Variants in C21orf91 observed in about 807,000 individuals in gnomAD.
C21orf91 encodes the protein protein EURL homolog.
A neutral mutation model predicts 32.9 loss-of-function variants in C21orf91; 26 were observed. That is an observed-to-expected ratio of 0.79 (90% CI 0.58 to 1.10). C21orf91 has a LOEUF of 1.10. C21orf91 is among the 50% of genes least tolerant of loss of function. C21orf91 has a pLI of 0.00. For synonymous variants in C21orf91, 126 were observed against 120.4 expected, an observed-to-expected ratio of 1.05 and a Z score of -0.31; for missense variants, 310 against 341.3, an observed-to-expected ratio of 0.91 and a Z score of 0.72.
rs377127315 is a variant in C21orf91, at chr21:17,809,656, A to G, written c.127+8536T>C. Among the ~76,000 whole-genome samples the G allele has an allele frequency of 1.8e-4, 28 of 152,276 alleles. No homozygotes were observed. The East Asian group carries it at 5.0e-3, about 27-fold the overall frequency. On this transcript the variant is annotated intron_variant, in intron 2 of 4. Transcript: ENST00000284881. Reference sequence around the variant, plus strand: ...GCAAATAATCCTTTATTACATTCCAATATGCTATATAATTTATTTATTCTA... The same window carrying G: ...GCAAATAATCCTTTATTACATTCCAGTATGCTATATAATTTATTTATTCTA...
At chr21:17,804,136 G>T (rs17757118) in intron 2 of C21orf91, among the ~76,000 whole-genome samples, 1 of 152,140 alleles carries the variant, frequency 6.6e-6, no homozygotes, top group South Asian at 2.1e-4. Flanking sequence ...TGCTCAATTC[G>T]ACTAGACTAC....
At chr21:17,799,246 A>G (rs988829852) in intron 2 of C21orf91, among the ~76,000 whole-genome samples, 4 of 152,168 alleles carry the variant, frequency 2.6e-5, no homozygotes, top group Admixed American at 6.5e-5. Flanking sequence ...AATATAATAG[A>G]TATCTATTTG....
intron 2 of C21orf91, among the ~76,000 whole-genome samples, chr21:17,804,831 G>A (rs2062584706): frequency 6.6e-6 from 1 of 152,220 alleles, no homozygotes; most frequent in Non-Finnish European, 1.5e-5. Context: ...GGAGGCCAGA[G>A]CAGAACTGAG....
Position 17,789,882 on chromosome 21 carries a change from CCA to C in C21orf91, c.*3531_*3532del, listed in dbSNP as rs2062459508. On this transcript the variant is annotated 3_prime_UTR_variant, in exon 5 of 5. Transcript: ENST00000284881. ...GGGTTTTATCTCTTACTAATTCTCA[CCA>C]CAAATTTCCTCAAATAGTTACTCCC... 6.6e-6 allele frequency: 1 copy of C among 152,070 alleles called. No individual in the cohort carries two copies. The highest frequency in any genetic ancestry group is 1.5e-5 in the Non-Finnish European group (1 of 67,944). The allele number at this position is 152,070 out of a possible 1,614,324, so 9.4% of individuals were successfully genotyped here.
chr21:17,795,520 G>C lies in C21orf91; in HGVS notation c.665-250C>G, dbSNP rs112323701. Among the ~76,000 whole-genome samples the C allele has an allele frequency of 5.9e-3, 906 of 152,276 alleles. 9 individuals carry two copies. In the Middle Eastern group the frequency reaches 0.071, roughly 12 times the overall value. The stretch of plus-strand genomic sequence containing the variant: ...GACAGGGTCTCACTTTGTCACCCAG[G>C]TGGCAGTGCAGTGGTGCGATCAATG... On this transcript the variant is annotated intron_variant, in intron 3 of 4. Coordinates refer to ENST00000284881, the MANE Select transcript of C21orf91 (RefSeq NM_001100420.2).
rs796521248 is a variant in C21orf91 at position 17,800,543 on chromosome 21, T to C, written c.128-3425A>G. Among the ~76,000 whole-genome samples, 5 of 152,340 alleles carry C rather than the reference T, an allele frequency of 3.3e-5. No individual in the cohort carries two copies. In the South Asian group the frequency reaches 1.0e-3, roughly 32 times the overall value. ...AAGAGATCCCAGTGAGTTTCCCAAC[T>C]GACTTATCAATTTTAAATGCATTTA... On this transcript the variant is annotated intron_variant, in intron 2 of 4. Transcript: ENST00000284881.
intron 3 of C21orf91, among the ~76,000 whole-genome samples, chr21:17,795,831 C>A (rs769882363): frequency 6.6e-6 from 1 of 152,086 alleles, no homozygotes; most frequent in African/African-American, 2.4e-5. Flanking sequence ...ATAAAAGTTT[C>A]ACCAAAAAAT....
rs2062449793 is a variant in C21orf91, at chr21:17,789,022, CATAT to C, written c.*4389_*4392del. On this transcript the variant is annotated 3_prime_UTR_variant, in exon 5 of 5. Transcript: ENST00000284881. Reference sequence around the variant, plus strand: ...TGTAAAATTAAAAATAGTAGACAAGCATATATACAGTTCCCAAGCAGAGCAATAC... The same window carrying C: ...TGTAAAATTAAAAATAGTAGACAAGCATACAGTTCCCAAGCAGAGCAATAC... 6.6e-6 allele frequency: 1 copy of C among 151,916 alleles called. No homozygotes were observed. Among genetic ancestry groups the C allele is most frequent in the Non-Finnish European group, 1.5e-5 (1 of 68,004 alleles). 9.4% of individuals were successfully genotyped at this position (151,916 alleles called of 1,614,324 possible).
In C21orf91 at chr21:17,793,404, G is replaced by C. The variant is rs765196285; in HGVS notation, c.*11C>G. The C allele has an allele frequency of 1.9e-6, 3 of 1,566,424 alleles. No individual in the cohort carries two copies. In the East Asian group the frequency reaches 6.8e-5, roughly 36 times the overall value. ...ATAAAGGGCAGGGCATACGAAGTAA[G>C]TCTGTTTAGGTCAGTTGTTTATGGG... On this transcript the variant is annotated 3_prime_UTR_variant, in exon 5 of 5. Transcript: ENST00000284881.
intron 2 of C21orf91, chr21:17,817,905 G>C (rs1394454238): frequency 4.1e-6 from 1 of 241,066 alleles, no homozygotes; most frequent in Non-Finnish European, 7.9e-6. Context: ...AATTCAATAA[G>C]CTCTCAAACC....
intron 2 of C21orf91, among the ~76,000 whole-genome samples, chr21:17,800,252 G>A (rs1376072243): frequency 6.6e-6 from 1 of 152,030 alleles, no homozygotes; most frequent in African/African-American, 2.4e-5. Flanking sequence ...ACCTGACTGA[G>A]TTTTAAAGTT....
chr21:17,796,155 A>G lies in C21orf91; in HGVS notation c.664+427T>C, dbSNP rs113732645. ...ATGAGTCACCCTTTCTAACTTTACAATAAGTGCACACATTACCTTTGGCCT... is the reference window on the plus strand; with the variant it reads ...ATGAGTCACCCTTTCTAACTTTACAGTAAGTGCACACATTACCTTTGGCCT... On this transcript the variant is annotated intron_variant, in intron 3 of 4. Transcript: ENST00000284881. Among the ~76,000 whole-genome samples, 397 of 152,330 alleles carry G rather than the reference A, an allele frequency of 2.6e-3. 11 individuals carry two copies. The East Asian group carries it at 0.067, about 26-fold the overall frequency.
At chr21:17,798,699 C>T (rs75336923) in intron 2 of C21orf91, among the ~76,000 whole-genome samples, 4,730 of 152,188 alleles carry the variant, frequency 0.031, 249 homozygotes, top group African/African-American at 0.11. Context: ...AATCTCAAAG[C>T]TTTATTTGAT....
chr21:17,797,394 A>C (rs2062528032), intron 2 of C21orf91, among the ~76,000 whole-genome samples: 1 of 152,082 alleles, frequency 6.6e-6, no homozygotes, highest in Non-Finnish European at 1.5e-5. Flanking sequence ...ATATAAAAAA[A>C]TACTACTGAA....
chr21:17,816,595 C>A (rs1231167034), intron 2 of C21orf91, among the ~76,000 whole-genome samples: 7 of 152,240 alleles, frequency 4.6e-5, no homozygotes, highest in Admixed American at 4.6e-4. Flanking sequence ...CAGTTATGAG[C>A]TGTGTGACTT....
chr21:17,809,903 G>A (rs2062621165), intron 2 of C21orf91, among the ~76,000 whole-genome samples: 1 of 152,098 alleles, frequency 6.6e-6, no homozygotes, highest in African/African-American at 2.4e-5. Flanking sequence ...TTGCCTTACT[G>A]TTGTACAACT....
At chr21:17,801,554 G>A (rs1379722816) in intron 2 of C21orf91, among the ~76,000 whole-genome samples, 1 of 152,106 alleles carries the variant, frequency 6.6e-6, no homozygotes, top group African/African-American at 2.4e-5. Context: ...ACAGGCTTGA[G>A]CCACCGTGCC....
intron 2 of C21orf91, among the ~76,000 whole-genome samples, chr21:17,804,378 A>C (rs2091316236): frequency 6.6e-6 from 1 of 152,210 alleles, no homozygotes; most frequent in South Asian, 2.1e-4. Context: ...CAGTTGTCCT[A>C]GGTGTCTTAG....
chr21:17,799,594 A>T (rs2062545083), intron 2 of C21orf91, among the ~76,000 whole-genome samples: 1 of 152,034 alleles, frequency 6.6e-6, no homozygotes, highest in Non-Finnish European at 1.5e-5. Flanking sequence ...CACCACTCCC[A>T]CTACAAATGT....
Sources: gnomAD v4.1 joint callset for allele counts (sites outside exome capture counted in the v4.1 genomes callset) on GRCh38, gnomAD v4.1.1 for gene constraint, MANE v1.5 for transcripts, NCBI Gene and HGNC (gene_info 2026-07-23, HGNC 2026-07-21) for gene names.